Variants in CTNNA2 observed in about 807,000 individuals in gnomAD.
CTNNA2 encodes catenin alpha-2.
A neutral mutation model predicts 101.0 loss-of-function variants in CTNNA2; 42 were observed. That is an observed-to-expected ratio of 0.42 (90% CI 0.32 to 0.54). CTNNA2 has a LOEUF of 0.54. CTNNA2 is among the 20% of genes least tolerant of loss of function. The probability of loss-of-function intolerance (pLI) is 0.14; values close to 1 mark genes in which losing one functional copy is unlikely to be tolerated. For missense variants in CTNNA2, 871 were observed against 1,223.1 expected, an observed-to-expected ratio of 0.71 and a Z score of 4.29; for synonymous variants, 450 against 456.4, an observed-to-expected ratio of 0.99 and a Z score of 0.18.
intron 7 of CTNNA2, among the ~76,000 whole-genome samples, chr2:80,102,798 C>G (rs1700623359): frequency 6.6e-6 from 1 of 152,166 alleles, no homozygotes; most frequent in Admixed American, 6.5e-5. Context: ...AGATGTGAGC[C>G]ACTGCACCCT....
At chr2:80,598,269 A>G (rs148931647) in intron 15 of CTNNA2, among the ~76,000 whole-genome samples, 2,477 of 152,228 alleles carry the variant, frequency 0.016, 69 homozygotes, top group African/African-American at 0.055. Context: ...ACATGGACAC[A>G]GGGAGGGGAA....
At chr2:80,462,627 C>CTTTTT (rs1161384853) in intron 9 of CTNNA2, among the ~76,000 whole-genome samples, 3 of 114,372 alleles carry the variant, frequency 2.6e-5, no homozygotes, top group African/African-American at 1.1e-4. Flanking sequence ...TTCTTTCTTT[C>CTTTTT]TTTCTTTTTT....
upstream of CTNNA2, among the ~76,000 whole-genome samples, chr2:79,508,846 G>A (rs1182614961): frequency 6.6e-6 from 1 of 150,764 alleles, no homozygotes; most frequent in Non-Finnish European, 1.5e-5. Context: ...ACCTATATAA[G>A]GTTATGGTTG....
intron 4 of CTNNA2, among the ~76,000 whole-genome samples, chr2:79,460,539 C>T (rs1417806785): frequency 6.6e-6 from 1 of 152,208 alleles, no homozygotes; most frequent in Non-Finnish European, 1.5e-5. Context: ...CACATTGCCA[C>T]AATAGGCCAA....
At chr2:79,297,593 C>T (rs903510591) in intron 2 of CTNNA2, among the ~76,000 whole-genome samples, 3 of 152,192 alleles carry the variant, frequency 2.0e-5, no homozygotes, top group African/African-American at 7.2e-5. Context: ...GGTTTCTCTA[C>T]ACCTATTCCA....
chr2:79,566,717 T>C (rs971808031), intron 1 of CTNNA2, among the ~76,000 whole-genome samples: 1 of 152,088 alleles, frequency 6.6e-6, no homozygotes, highest in Admixed American at 6.6e-5. Context: ...TAGGAAAAAA[T>C]GAAAGTCCAA....
intron 7 of CTNNA2, among the ~76,000 whole-genome samples, chr2:79,991,650 A>G (rs946175712): frequency 2.0e-5 from 3 of 152,208 alleles, no homozygotes; most frequent in Admixed American, 6.5e-5. Context: ...CTTAATTTCT[A>G]TTCAACCATT....
intron 3 of CTNNA2, among the ~76,000 whole-genome samples, chr2:79,787,470 T>TA (rs1048098595): frequency 1.1e-4 from 16 of 152,084 alleles, no homozygotes; most frequent in East Asian, 3.9e-4. Context: ...TTGGTTAATT[T>TA]AAAAAAAATT....
Position 79,316,887 on chromosome 2 carries a change from A to AT in CTNNA2, c.-318+4098dup, listed in dbSNP as rs917952621. On this transcript the variant is annotated intron_variant, in intron 3 of 21. Transcript: ENST00000466387. ...TTACTTATTTTCAAATTTGAATGCTATTTTTTTCCATCTAATTGCCCTTAT... is the reference window on the plus strand; with the variant it reads ...TTACTTATTTTCAAATTTGAATGCTATTTTTTTTCCATCTAATTGCCCTTAT... Among the ~76,000 whole-genome samples, 5 of 151,756 alleles carry AT rather than the reference A, an allele frequency of 3.3e-5. No homozygotes were observed. In the East Asian group the frequency reaches 7.7e-4, roughly 23 times the overall value.
intron 9 of CTNNA2, among the ~76,000 whole-genome samples, chr2:80,475,871 G>A (rs1685688653): frequency 6.6e-6 from 1 of 151,932 alleles, no homozygotes; most frequent in East Asian, 1.9e-4. Flanking sequence ...TAAACATTTA[G>A]CATATTCTAA....
chr2:80,450,828 G>A (rs1683440194), intron 9 of CTNNA2, among the ~76,000 whole-genome samples: 1 of 152,070 alleles, frequency 6.6e-6, no homozygotes, highest in South Asian at 2.1e-4. Flanking sequence ...ATTTGATATA[G>A]TGCAGGCAAA....
At chr2:79,595,761 T>C (rs563617651) in intron 1 of CTNNA2, among the ~76,000 whole-genome samples, 17 of 152,230 alleles carry the variant, frequency 1.1e-4, no homozygotes, top group Middle Eastern at 3.4e-3. Context: ...TAATGTCACC[T>C]ACTACTTAAT....
chr2:79,886,976 C>T (rs1176681937), intron 6 of CTNNA2, among the ~76,000 whole-genome samples: 1 of 151,588 alleles, frequency 6.6e-6, no homozygotes, highest in Non-Finnish European at 1.5e-5. Context: ...ACCACCACAC[C>T]CAGCAAGTTT....
At chr2:80,546,395 T>C (rs1333016237) in intron 11 of CTNNA2, among the ~76,000 whole-genome samples, 1 of 152,030 alleles carries the variant, frequency 6.6e-6, no homozygotes, top group African/African-American at 2.4e-5. Context: ...ATGGGATTCA[T>C]TAATCTACAC....
chr2:79,368,550 T>G (rs1449243714), intron 3 of CTNNA2, among the ~76,000 whole-genome samples: 1 of 152,220 alleles, frequency 6.6e-6, no homozygotes, highest in Non-Finnish European at 1.5e-5. Context: ...GTGGGCTCCA[T>G]ATTCTTGTAG....
At chr2:80,328,869 C>T (rs4630793) in intron 7 of CTNNA2, among the ~76,000 whole-genome samples, 7,947 of 152,128 alleles carry the variant, frequency 0.052, 239 homozygotes, top group Middle Eastern at 0.078. Flanking sequence ...AGCACCATTA[C>T]GGAATATAAG....
chr2:80,355,559 T>A (rs543184745), intron 7 of CTNNA2, among the ~76,000 whole-genome samples: 1 of 152,270 alleles, frequency 6.6e-6, no homozygotes, highest in South Asian at 2.1e-4. Context: ...TCATACTTAT[T>A]AAGCCGCTCT....
intron 3 of CTNNA2, among the ~76,000 whole-genome samples, chr2:79,850,839 C>T (rs1213018733): frequency 6.6e-6 from 1 of 152,148 alleles, no homozygotes; most frequent in East Asian, 1.9e-4. Context: ...ATTGTGAGCT[C>T]TTAAAAAGAG....
intron 7 of CTNNA2, among the ~76,000 whole-genome samples, chr2:80,282,001 G>A (rs1305558049): frequency 1.3e-5 from 2 of 151,480 alleles, no homozygotes; most frequent in Non-Finnish European, 2.9e-5. Flanking sequence ...ATCCGGCATT[G>A]TAGTAGGAAA....
Sources: gnomAD v4.1 joint callset for allele counts (sites outside exome capture counted in the v4.1 genomes callset) on GRCh38, gnomAD v4.1.1 for gene constraint, MANE v1.5 for transcripts, NCBI Gene and HGNC (gene_info 2026-07-23, HGNC 2026-07-21) for gene names.